BMP6: variants seen among roughly 807,000 people sequenced by gnomAD.
BMP6 encodes the protein bone morphogenetic protein 6.
A neutral mutation model predicts 54.1 loss-of-function variants in BMP6; 17 were observed. The observed-to-expected ratio is 0.31, with a 90% CI of 0.22 to 0.47. The LOEUF is 0.47. Ranked by LOEUF, BMP6 falls within the 20% of genes least tolerant of loss-of-function variation. The pLI is 1.00. For missense variants in BMP6, 720 were observed against 690.4 expected (o/e 1.04, Z -0.48); for synonymous variants, 328 against 291.2 (o/e 1.13, Z -1.28).
At chr6:7,853,180 C>T (rs976289755) in intron 2 of BMP6, among the ~76,000 whole-genome samples, 4 of 152,072 alleles carry the variant, frequency 2.6e-5, no homozygotes, top group African/African-American at 9.7e-5. Context: ...TGCTTGGTTG[C>T]TCTAAGAGAA....
chr6:7,861,903 A>G (rs2113277352), intron 3 of BMP6, among the ~76,000 whole-genome samples: 1 of 152,272 alleles, frequency 6.6e-6, no homozygotes, highest in African/African-American at 2.4e-5. Context: ...CGAGTAAGAG[A>G]GAGGCAGGCG....
intron 4 of BMP6, 78 bp downstream of exon 4, chr6:7,862,576 G>A: frequency 5.1e-6 from 8 of 1,559,698 alleles, no homozygotes; most frequent in Non-Finnish European, 6.1e-6. Flanking sequence ...CACAGTCTCA[G>A]ATGTCGGGCA....
At chr6:7,731,998 C>T (rs1761867937) in intron 1 of BMP6, among the ~76,000 whole-genome samples, 3 of 152,116 alleles carry the variant, frequency 2.0e-5, no homozygotes, top group South Asian at 4.1e-4. Flanking sequence ...CAGCAAGAAA[C>T]TTGTGCTAAA....
chr6:7,812,287 C>T (rs1758446831), intron 1 of BMP6, among the ~76,000 whole-genome samples: 2 of 152,146 alleles, frequency 1.3e-5, no homozygotes, highest in Non-Finnish European at 2.9e-5. Context: ...CTTTGGTTTG[C>T]TTGAAGAATA....
rs945082450 is a variant in BMP6 at position 7,861,433 on chromosome 6, A to G, written c.858-18A>G. 3.1e-6 allele frequency: 5 copies of G among 1,612,776 alleles called. No homozygotes were observed. In the African/African-American group the frequency reaches 6.7e-5, roughly 22 times the overall value. ...CAGGCAGTGCGCTATTTACCAGGCC[A>G]TTTTTTCTTTCTTTCAGAGACTCTG... On this transcript the variant is annotated intron_variant, in intron 2 of 6. Transcript: ENST00000283147.
At chr6:7,835,182 G>C (rs938250038) in intron 1 of BMP6, among the ~76,000 whole-genome samples, 1 of 152,180 alleles carries the variant, frequency 6.6e-6, no homozygotes, top group Admixed American at 6.5e-5. Flanking sequence ...GAGTGCAGTG[G>C]CACCATCTCG....
At chr6:7,840,548 T>A (rs267188) in intron 1 of BMP6, among the ~76,000 whole-genome samples, 61,977 of 151,970 alleles carry the variant, frequency 0.41, 13,293 homozygotes, top group East Asian at 0.77. Flanking sequence ...CTAGGACAGG[T>A]GAGAAATTTC....
At chr6:7,862,663 G>A (rs1392529741) in intron 4 of BMP6, among the ~76,000 whole-genome samples, 165 bp downstream of exon 4, 2 of 152,186 alleles carry the variant, frequency 1.3e-5, no homozygotes, top group Non-Finnish European at 1.5e-5. Flanking sequence ...GAACATCTGC[G>A]TGGGTTCTGA....
chr6:7,758,724 C>T (rs879670068), intron 1 of BMP6, among the ~76,000 whole-genome samples: 3 of 152,196 alleles, frequency 2.0e-5, no homozygotes, highest in Non-Finnish European at 4.4e-5. Context: ...GCCCTTGGGT[C>T]CGGCTGTGCC....
intron 1 of BMP6, among the ~76,000 whole-genome samples, chr6:7,741,832 C>A (rs1008187960): frequency 3.3e-5 from 5 of 152,208 alleles, no homozygotes; most frequent in Non-Finnish European, 7.3e-5. Flanking sequence ...GGCTCTGCTA[C>A]CCCTCAGCTG....
intron 4 of BMP6, among the ~76,000 whole-genome samples, chr6:7,869,186 C>A (rs1759480035): frequency 6.6e-6 from 1 of 152,238 alleles, no homozygotes; most frequent in African/African-American, 2.4e-5. Flanking sequence ...CAATGCCTGC[C>A]TGAGAGTCAG....
intron 1 of BMP6, among the ~76,000 whole-genome samples, chr6:7,750,194 G>T (rs1033319806): frequency 3.3e-5 from 5 of 152,220 alleles, no homozygotes; most frequent in African/African-American, 1.2e-4. Flanking sequence ...AACATGTTGT[G>T]TGCCCTTGAA....
intron 1 of BMP6, among the ~76,000 whole-genome samples, chr6:7,798,674 C>A (rs1758226647): frequency 6.6e-6 from 1 of 152,222 alleles, no homozygotes; most frequent in Admixed American, 6.5e-5. Flanking sequence ...CTGCTGCTTG[C>A]CACACACTGT....
intron 1 of BMP6, among the ~76,000 whole-genome samples, chr6:7,736,482 A>C (rs980373740): frequency 1.3e-5 from 2 of 152,254 alleles, no homozygotes; most frequent in Non-Finnish European, 2.9e-5. Context: ...CCCTAAGGGC[A>C]GGATCAGAGG....
At chr6:7,813,477 A>AAAC (rs1436732168) in intron 1 of BMP6, among the ~76,000 whole-genome samples, 1 of 146,360 alleles carries the variant, frequency 6.8e-6, no homozygotes, top group Non-Finnish European at 1.5e-5. Context: ...AAAAAAAAAA[A>AAAC]AAAACTATTT....
At chr6:7,804,726 A>G (rs1427283905) in intron 1 of BMP6, among the ~76,000 whole-genome samples, 2 of 152,224 alleles carry the variant, frequency 1.3e-5, no homozygotes, top group African/African-American at 4.8e-5. Flanking sequence ...GTCCCTTCAC[A>G]TAGCTTCTAT....
chr6:7,795,806 G>A (rs1288495055), intron 1 of BMP6, among the ~76,000 whole-genome samples: 1 of 152,088 alleles, frequency 6.6e-6, no homozygotes, highest in East Asian at 1.9e-4. Flanking sequence ...AAAGGGGAGA[G>A]CAATGGTAGG....
chr6:7,764,696 G>A (rs1443747596), intron 1 of BMP6, among the ~76,000 whole-genome samples: 1 of 152,106 alleles, frequency 6.6e-6, no homozygotes, highest in Admixed American at 6.6e-5. Flanking sequence ...GCCCATGCCG[G>A]ATTCAAACTC....
chr6:7,856,517 C>T (rs921257293), intron 2 of BMP6, among the ~76,000 whole-genome samples: 4 of 148,974 alleles, frequency 2.7e-5, no homozygotes, highest in African/African-American at 9.9e-5. Flanking sequence ...AAATAAAGAA[C>T]AAGACCACAG....
Sources: gnomAD v4.1 joint callset for allele counts (sites outside exome capture counted in the v4.1 genomes callset) on GRCh38, gnomAD v4.1.1 for gene constraint, MANE v1.5 for transcripts, NCBI Gene and HGNC (gene_info 2026-07-23, HGNC 2026-07-21) for gene names.